Variants in TMPRSS5 observed in about 807,000 individuals in gnomAD.
TMPRSS5 encodes the protein transmembrane protease serine 5.
Under a neutral mutation model 59.7 loss-of-function variants are expected in TMPRSS5, and 45 were observed. The ratio of observed to expected loss-of-function variants is 0.75; its 90% CI spans 0.59 to 0.97. The LOEUF (loss-of-function observed/expected upper bound fraction) is 0.97. Among genes scored for constraint, TMPRSS5 ranks in the 50% least tolerant of loss-of-function variants. The pLI is 0.00. For missense variants in TMPRSS5, 585 were observed against 596.7 expected (o/e 0.98, Z 0.20); for synonymous variants, 225 against 232.0 (o/e 0.97, Z 0.27).
intron 9 of TMPRSS5, among the ~76,000 whole-genome samples, chr11:113,691,772 G>T (rs1189402656): frequency 6.7e-6 from 1 of 150,056 alleles, no homozygotes; most frequent in African/African-American, 2.5e-5. Flanking sequence ...ATTTAAAAGA[G>T]AAATACTACT....
intron 3 of TMPRSS5, 75 bp downstream of exon 3, chr11:113,699,520 A>T: frequency 8.0e-7 from 1 of 1,249,212 alleles, no homozygotes. Context: ...TGTCCCATTT[A>T]CCTTTAACAC....
chr11:113,689,914 C>T lies in TMPRSS5; in HGVS notation c.1210G>A (p.Asp404Asn), dbSNP rs1327059424. The T allele has an allele frequency of 6.4e-7, 1 of 1,554,558 alleles. No individual in the cohort carries two copies. The highest frequency in any genetic ancestry group is 8.7e-7 in the Non-Finnish European group (1 of 1,148,536). The change falls in exon 12 of 13, where the codon GAT becomes AAT. Residue 404 changes from aspartate to asparagine, a missense_variant. Coordinates refer to ENST00000299882, the MANE Select transcript of TMPRSS5 (RefSeq NM_030770.4). Reference sequence around the variant, plus strand: ...GGGCACACTAGGGGGCCCCCGCTATCTCCCTAAGGGATCCAGGCATGGAGA... The same window carrying T: ...GGGCACACTAGGGGGCCCCCGCTATTTCCCTAAGGGATCCAGGCATGGAGA... ...LDGRADACQG[D>N]SGGPLVCPDG...
chr11:113,702,852 C>A (rs1953181875), intron 1 of TMPRSS5, among the ~76,000 whole-genome samples: 1 of 152,210 alleles, frequency 6.6e-6, no homozygotes, highest in South Asian at 2.1e-4. Context: ...GCACAGAAGT[C>A]AATAACTGAG....
chr11:113,697,162 A>G, intron 5 of TMPRSS5, 121 bp downstream of exon 5: 6 of 1,449,208 alleles, frequency 4.1e-6, no homozygotes, highest in South Asian at 1.3e-5. Context: ...AAGATGGCCA[A>G]AAAGACCTCT....
chr11:113,701,417 T>C (rs1178586997), intron 1 of TMPRSS5, among the ~76,000 whole-genome samples: 2 of 104,668 alleles, frequency 1.9e-5, no homozygotes, highest in African/African-American at 9.2e-5. Context: ...ACTCTTGCTA[T>C]GCTTTAGCAA....
rs1191260788 is a variant in TMPRSS5, at chr11:113,700,108, G to T, written c.64C>A (p.Pro22Thr). ...CCAGGCTCTGCTCTGAAGATCCCAG[G>T]TCCTGGGCCCTCCTCTGCATACTGG... is the stretch of plus-strand genomic sequence containing the variant. ...EAQYAEEGPG[P>T]GIFRAEPGDQ... Residue 22 changes from proline (P) to threonine (T), a missense_variant, in exon 2 of 13, where the codon CCT becomes ACT. Coordinates refer to ENST00000299882, the MANE Select transcript of TMPRSS5 (RefSeq NM_030770.4). The T allele has an allele frequency of 3.2e-6, 5 of 1,582,710 alleles. No homozygotes were observed. Among genetic ancestry groups the T allele is most frequent in the Non-Finnish European group, 4.3e-6 (5 of 1,163,632 alleles).
chr11:113,687,978 C>T lies in TMPRSS5; in HGVS notation c.*282G>A, dbSNP rs1158618483. The stretch of plus-strand genomic sequence containing the variant: ...TCTCCAGCTCCTACCTCTCTCCTCC[C>T]CCTCATCCCTCAGCAACCACAGCAT... On this transcript the variant is annotated 3_prime_UTR_variant, in exon 13 of 13. Coordinates refer to ENST00000299882, the MANE Select transcript of TMPRSS5 (RefSeq NM_030770.4). 1.1e-4 allele frequency: 43 copies of T among 383,600 alleles called. No individual in the cohort carries two copies. Among genetic ancestry groups the T allele is most frequent in the Non-Finnish European group, 6.4e-5 (14 of 219,666 alleles). The allele number at this position is 383,600 out of a possible 1,614,324, so 23.8% of individuals were successfully genotyped here.
chr11:113,699,445 G>C lies in TMPRSS5; in HGVS notation c.205+150C>G, dbSNP rs1953057697. Reference sequence around the variant, plus strand: ...TTTGTTCTTCTTTATGTAGAGCCTAGATCCCTCCTGCTGCAATTTCACCCT... The same window carrying C: ...TTTGTTCTTCTTTATGTAGAGCCTACATCCCTCCTGCTGCAATTTCACCCT... On this transcript the variant is annotated intron_variant, in intron 3 of 12. Coordinates refer to ENST00000299882, the MANE Select transcript of TMPRSS5 (RefSeq NM_030770.4). 1.9e-5 allele frequency: 13 copies of C among 676,006 alleles called. No individual in the cohort carries two copies. In the South Asian group the frequency reaches 2.4e-4, roughly 12 times the overall value. 41.9% of individuals were successfully genotyped at this position (676,006 alleles called of 1,614,324 possible).
chr11:113,699,910 G>T, intron 2 of TMPRSS5, 156 bp downstream of exon 2: 1 of 1,512,674 alleles, frequency 6.6e-7, no homozygotes. Context: ...CCTAAAGTGG[G>T]AAATGGGGAG....
rs1403142456 is a variant in TMPRSS5 at position 113,700,055 on chromosome 11, G to T, written c.106+11C>A. The T allele has an allele frequency of 6.4e-7, 1 of 1,558,278 alleles. No homozygotes were observed. Among genetic ancestry groups the T allele is most frequent in the Non-Finnish European group, 8.7e-7 (1 of 1,150,372 alleles). ...CACCCTGTCATTCCCCTATGGCCCA[G>T]TCTGGCCTACTGGGATGCTGCTGGT... is the stretch of plus-strand genomic sequence containing the variant. On this transcript the variant is annotated intron_variant, in intron 2 of 12. Coordinates refer to ENST00000299882, the MANE Select transcript of TMPRSS5 (RefSeq NM_030770.4).
At chr11:113,689,615 G>T in intron 12 of TMPRSS5, 150 bp downstream of exon 12, 2 of 750,864 alleles carry the variant, frequency 2.7e-6, no homozygotes, top group Non-Finnish European at 2.0e-6. Flanking sequence ...CCATGTTTAA[G>T]CTTCACTTCT....
In TMPRSS5 at chr11:113,690,954, A is replaced by G. The variant is rs1952763303; in HGVS notation, c.965-15T>C. ...GCCCACAGTGTCTGTAGAGAGGCAC[A>G]TGGTCCTGGTCCCCAGTCAGGCTTG... On this transcript the variant is annotated splice_polypyrimidine_tract_variant and intron_variant, in intron 9 of 12. Coordinates refer to ENST00000299882, the MANE Select transcript of TMPRSS5 (RefSeq NM_030770.4). 6.4e-7 allele frequency: 1 copy of G among 1,570,012 alleles called. No individual in the cohort carries two copies. The highest frequency in any genetic ancestry group is 1.4e-5 in the African/African-American group (1 of 74,004).
In TMPRSS5 at chr11:113,690,956, G is replaced by A. The variant is rs1280587673; in HGVS notation, c.965-17C>T. 3.8e-6 allele frequency: 6 copies of A among 1,565,848 alleles called. No homozygotes were observed. In the East Asian group the frequency reaches 1.4e-4, roughly 37 times the overall value. ...CCACAGTGTCTGTAGAGAGGCACAT[G>A]GTCCTGGTCCCCAGTCAGGCTTGGC... On this transcript the variant is annotated splice_polypyrimidine_tract_variant and intron_variant, in intron 9 of 12. Coordinates refer to ENST00000299882, the MANE Select transcript of TMPRSS5 (RefSeq NM_030770.4).
At chr11:113,692,980 A>T in intron 9 of TMPRSS5, 91 bp downstream of exon 9, 1 of 1,270,616 alleles carries the variant, frequency 7.9e-7, no homozygotes, top group South Asian at 1.3e-5. Context: ...TTCAGAGGAA[A>T]CTTCAGAAAT....
At chr11:113,701,477 GT>G (rs373519003) in intron 1 of TMPRSS5, among the ~76,000 whole-genome samples, 45 of 131,120 alleles carry the variant, frequency 3.4e-4, no homozygotes, top group African/African-American at 9.9e-4. Context: ...AACTTTGGTG[GT>G]TTTTTTTTGG....
At chr11:113,698,697 A>C in intron 4 of TMPRSS5, 59 of 560,536 alleles carry the variant, frequency 1.1e-4, no homozygotes, top group Non-Finnish European at 1.4e-4. Context: ...TGCCCCAGCT[A>C]GAGATCAGGA....
chr11:113,690,266 C>T lies in TMPRSS5; in HGVS notation c.1171G>A (p.Ala391Thr), dbSNP rs201422387. Residue 391 changes from alanine to threonine, a missense_variant, in exon 11 of 13, where the codon GCT (alanine) becomes ACT (threonine). Coordinates refer to ENST00000299882, the MANE Select transcript of TMPRSS5 (RefSeq NM_030770.4). Reference protein sequence around the residue: ...SGALTPRMLCAGYLDGRADAC... With the variant: ...SGALTPRMLCTGYLDGRADAC... ...TCAGCCCTTCCGTCCAGGTAGCCAG[C>T]GCAAAGCATGCGGGGGGTGAGGGCT... 42 of 1,559,666 alleles carry T rather than the reference C, an allele frequency of 2.7e-5. No homozygotes were observed. The highest frequency in any genetic ancestry group is 4.1e-5 in the African/African-American group (3 of 73,076).
chr11:113,691,912 G>C (rs1952794315), intron 9 of TMPRSS5, among the ~76,000 whole-genome samples: 2 of 38,192 alleles, frequency 5.2e-5, no homozygotes, highest in Non-Finnish European at 8.0e-5. Context: ...TTTTGAGACG[G>C]AGTCTTGCTT....
At chr11:113,691,086 A>G (rs1322085369) in intron 9 of TMPRSS5, 147 bp from the exon 10 acceptor site, 4 of 681,748 alleles carry the variant, frequency 5.9e-6, no homozygotes, top group Admixed American at 5.6e-5. Flanking sequence ...CAGGCCTCCT[A>G]GATGGCTATG....
Sources: gnomAD v4.1 joint callset for allele counts (sites outside exome capture counted in the v4.1 genomes callset) on GRCh38, gnomAD v4.1.1 for gene constraint, MANE v1.5 for transcripts, NCBI Gene and HGNC (gene_info 2026-07-23, HGNC 2026-07-21) for gene names.